Variants in ACSL1 observed in about 807,000 individuals in gnomAD.
ACSL1 encodes long-chain-fatty-acid--CoA ligase 1.
ACSL1 carries 41 observed loss-of-function variants against 98.4 expected under a neutral mutation model. The ratio of observed to expected loss-of-function variants is 0.42; its 90% CI spans 0.32 to 0.54. The LOEUF (loss-of-function observed/expected upper bound fraction) is 0.54. Among genes scored for constraint, ACSL1 ranks in the 20% least tolerant of loss-of-function variants. ACSL1 has a pLI of 0.13. For missense variants in ACSL1, 734 were observed against 883.1 expected (o/e 0.83, Z 2.14); for synonymous variants, 316 against 322.7 (o/e 0.98, Z 0.22).
intron 1 of ACSL1, chr4:184,821,120 C>T (rs979661003): frequency 4.8e-5 from 22 of 456,188 alleles, no homozygotes; most frequent in Non-Finnish European, 8.4e-5. Flanking sequence ...CTTAGCAGCA[C>T]CTGGCTCTGT....
chr4:184,803,522 T>G lies in ACSL1; in HGVS notation c.-8A>C, dbSNP rs1030993247. On this transcript the variant is annotated 5_prime_UTR_variant, in exon 2 of 21. Coordinates refer to ENST00000281455, the MANE Select transcript of ACSL1 (RefSeq NM_001995.5). This position sits in a 1 kb window ranked among gnomAD's most constrained non-coding sequence, Gnocchi z 4.8. ...CAGCTCATGGGCTTGCATTGTCCTG[T>G]GTTGATAGTTCTCTAAGCTGAATTC... 8.6e-6 allele frequency: 13 copies of G among 1,519,980 alleles called. No homozygotes were observed. Among genetic ancestry groups the G allele is most frequent in the Non-Finnish European group, 1.2e-5 (13 of 1,129,188 alleles). The allele number at this position is 1,519,980 out of a possible 1,614,324, so 94.2% of individuals were successfully genotyped here. A position where few individuals can be genotyped will look rare whatever the true frequency, so the allele number is the denominator to read the frequency against.
intron 4 of ACSL1, among the ~76,000 whole-genome samples, chr4:184,781,629 G>A (rs892881556): frequency 6.7e-6 from 1 of 149,836 alleles, no homozygotes; most frequent in Non-Finnish European, 1.5e-5. Flanking sequence ...TTCTTTTTGA[G>A]ACATAGTCTC....
At chr4:184,801,735 T>C (rs571128541) in intron 2 of ACSL1, among the ~76,000 whole-genome samples, 96 of 152,362 alleles carry the variant, frequency 6.3e-4, no homozygotes, top group Non-Finnish European at 1.1e-3. Context: ...GAAGCCTCTA[T>C]ACTGGGCAGT....
At chr4:184,791,852 C>A (rs143613406) in intron 2 of ACSL1, among the ~76,000 whole-genome samples, 1 of 152,018 alleles carries the variant, frequency 6.6e-6, no homozygotes, top group African/African-American at 2.4e-5. Context: ...GAAAAACTGT[C>A]CCCTTTAATC....
chr4:184,818,646 T>A (rs1429981050), intron 1 of ACSL1, among the ~76,000 whole-genome samples: 1 of 152,144 alleles, frequency 6.6e-6, no homozygotes, highest in Non-Finnish European at 1.5e-5. Context: ...AGGCCCTGTA[T>A]TAAACGCTGC....
chr4:184,771,155 C>G (rs900769692), intron 10 of ACSL1, among the ~76,000 whole-genome samples: 1 of 151,888 alleles, frequency 6.6e-6, no homozygotes. Flanking sequence ...ATTATTCAAA[C>G]AAAGTGGAAG....
chr4:184,809,398 G>A (rs1194707990), intron 1 of ACSL1, among the ~76,000 whole-genome samples: 1 of 152,228 alleles, frequency 6.6e-6, no homozygotes, highest in Non-Finnish European at 1.5e-5. Context: ...TTTTTAGGAT[G>A]CAGGGTCAAA....
rs772956335 is a variant in ACSL1 at position 184,757,059 on chromosome 4, T to G, written c.*66A>C. 1.6e-5 allele frequency: 24 copies of G among 1,487,106 alleles called. No homozygotes were observed. Among genetic ancestry groups the G allele is most frequent in the Non-Finnish European group, 2.2e-5 (24 of 1,103,934 alleles). The allele number at this position is 1,487,106 out of a possible 1,614,324, so 92.1% of individuals were successfully genotyped here. ...CTTGCTGTATTCAAAATTAACAACA[T>G]GAAGGCCATCAGCAGGAGAAGAGAT... On this transcript the variant is annotated 3_prime_UTR_variant, in exon 21 of 21. Transcript: ENST00000281455. The surrounding 1 kb of genome is among the most constrained non-coding windows in gnomAD (Gnocchi z 4.5).
chr4:184,821,937 C>T (rs1474020705), intron 1 of ACSL1, among the ~76,000 whole-genome samples: 1 of 152,158 alleles, frequency 6.6e-6, no homozygotes, highest in Admixed American at 6.5e-5. Context: ...TATTTAATCT[C>T]TGGAAGAGCT....
At chr4:184,799,550 A>T (rs1770089403) in intron 2 of ACSL1, among the ~76,000 whole-genome samples, 1 of 152,090 alleles carries the variant, frequency 6.6e-6, no homozygotes, top group Admixed American at 6.6e-5. Context: ...ATCCATTTTC[A>T]AAAGATCCTG....
intron 1 of ACSL1, among the ~76,000 whole-genome samples, chr4:184,815,917 T>TC (rs767822369): frequency 2.0e-5 from 3 of 151,926 alleles, no homozygotes; most frequent in Non-Finnish European, 2.9e-5. Context: ...GGCCAGGAGT[T>TC]CAAGCCCAGC....
intron 2 of ACSL1, among the ~76,000 whole-genome samples, chr4:184,796,814 G>A (rs1221563039): frequency 1.3e-5 from 2 of 152,186 alleles, no homozygotes; most frequent in Non-Finnish European, 2.9e-5. Context: ...ACAAATGACT[G>A]TAGAAACAGT....
At chr4:184,796,623 T>G (rs1191007220) in intron 2 of ACSL1, among the ~76,000 whole-genome samples, 1 of 152,172 alleles carries the variant, frequency 6.6e-6, no homozygotes, top group African/African-American at 2.4e-5. Flanking sequence ...CATATGGTAA[T>G]AAATGGAAGT....
At chr4:184,788,190 C>T (rs1487127341) in intron 3 of ACSL1, among the ~76,000 whole-genome samples, 2 of 152,142 alleles carry the variant, frequency 1.3e-5, no homozygotes, top group East Asian at 3.9e-4. Flanking sequence ...AGGGTAATCC[C>T]ATGAGCCAAC....
intron 4 of ACSL1, 67 bp downstream of exon 4, chr4:184,783,860 G>A (rs1579894412): frequency 7.0e-7 from 1 of 1,436,826 alleles, no homozygotes; most frequent in East Asian, 2.3e-5. Flanking sequence ...CCGGCTCCAA[G>A]AATGCACATA....
chr4:184,813,609 A>C, intron 1 of ACSL1: 1 of 293,978 alleles, frequency 3.4e-6, no homozygotes, highest in South Asian at 2.8e-5. Flanking sequence ...GCATGTTCTA[A>C]GGGTATTAGG....
In ACSL1 at chr4:184,798,614, T is replaced by G. The variant is rs975047861; in HGVS notation, c.195+4706A>C. 64 of 155,098 alleles carry G rather than the reference T, an allele frequency of 4.1e-4. 2 individuals carry two copies. The highest frequency in any genetic ancestry group is 7.2e-4 in the Non-Finnish European group (50 of 69,488). 9.6% of individuals were successfully genotyped at this position (155,098 alleles called of 1,614,324 possible). On this transcript the variant is annotated intron_variant, in intron 2 of 20. Transcript: ENST00000281455. Reference sequence around the variant, plus strand: ...CACAGCAGCCATTCCCATTCCCGGGTGACCCTAAGGCCCAGTACCCAAAAT... The same window carrying G: ...CACAGCAGCCATTCCCATTCCCGGGGGACCCTAAGGCCCAGTACCCAAAAT...
chr4:184,763,887 C>T (rs148068219), intron 15 of ACSL1, among the ~76,000 whole-genome samples: 162 of 152,252 alleles, frequency 1.1e-3, no homozygotes, highest in Non-Finnish European at 2.1e-3. Flanking sequence ...ATAATTCTTC[C>T]TATGTTTTAA....
intron 15 of ACSL1, among the ~76,000 whole-genome samples, 182 bp downstream of exon 15, chr4:184,764,670 GA>G (rs1349515811): frequency 8.5e-5 from 13 of 152,134 alleles, no homozygotes; most frequent in African/African-American, 3.1e-4. Flanking sequence ...TCAGTTGCAG[GA>G]GGTGTTCTCC....
Sources: gnomAD v4.1 joint callset for allele counts (sites outside exome capture counted in the v4.1 genomes callset) on GRCh38, gnomAD v4.1.1 for gene constraint, Gnocchi (gnomAD v3.1) non-coding constraint, MANE v1.5 for transcripts, NCBI Gene and HGNC (gene_info 2026-07-23, HGNC 2026-07-21) for gene names.